SLC7A14: variants seen among roughly 807,000 people sequenced by gnomAD.
SLC7A14 encodes gamma-aminobutyric acid transporter SLC7A14.
SLC7A14 carries 37 observed loss-of-function variants against 60.2 expected under a neutral mutation model. That is an observed-to-expected ratio of 0.61 (90% CI 0.47 to 0.81). The LOEUF is 0.81. SLC7A14 is among the 30% of genes least tolerant of loss of function. The pLI is 0.00. For synonymous variants in SLC7A14, 399 were observed against 395.8 expected (o/e 1.01, Z -0.10); for missense variants, 886 against 982.7 (o/e 0.90, Z 1.32).
At position 170,514,432 on chromosome 3, in the gene SLC7A14, AG is replaced by A. The variant is rs1386308843; in HGVS notation, c.304+12200del. ...GCATCTATTTCAGTGCACAAAGTTG[AG>A]GCTGCTTAAGTATCACTTCTTCAGA... is the stretch of plus-strand genomic sequence containing the variant. On this transcript the variant is annotated intron_variant, in intron 2 of 7. Transcript: ENST00000231706. Among the ~76,000 whole-genome samples the A allele has an allele frequency of 2.0e-5, 3 of 152,224 alleles. No homozygotes were observed. The East Asian group carries it at 5.8e-4, about 29-fold the overall frequency.
intron 1 of SLC7A14, among the ~76,000 whole-genome samples, chr3:170,567,239 A>G (rs1310775840): frequency 1.4e-5 from 2 of 145,040 alleles, no homozygotes; most frequent in Admixed American, 7.3e-5. Flanking sequence ...ATTCCCACCT[A>G]TGAGTGAGAA....
chr3:170,476,595 A>G (rs961699325), intron 7 of SLC7A14, among the ~76,000 whole-genome samples: 8 of 152,204 alleles, frequency 5.3e-5, no homozygotes, highest in African/African-American at 1.9e-4. Flanking sequence ...GCAGGTTCAC[A>G]TCGTGCTTTG....
At chr3:170,467,504 A>T in intron 7 of SLC7A14, 127 bp from the exon 8 acceptor site, 1 of 677,408 alleles carries the variant, frequency 1.5e-6, no homozygotes, top group Non-Finnish European at 2.3e-6. Context: ...GCGGGGATGT[A>T]TTTTCTTTGC....
chr3:170,509,612 C>A (rs1201387997), intron 2 of SLC7A14, among the ~76,000 whole-genome samples: 1 of 151,424 alleles, frequency 6.6e-6, no homozygotes, highest in African/African-American at 2.4e-5. Context: ...GAGTTCGAGA[C>A]CAGCCTGACC....
chr3:170,544,345 C>A (rs1381190921), intron 1 of SLC7A14, among the ~76,000 whole-genome samples: 1 of 152,100 alleles, frequency 6.6e-6, no homozygotes, highest in Non-Finnish European at 1.5e-5. Flanking sequence ...GACACACACA[C>A]ACAGACACAC....
intron 4 of SLC7A14, among the ~76,000 whole-genome samples, chr3:170,493,217 A>T (rs1400647203): frequency 5.3e-5 from 8 of 152,250 alleles, no homozygotes; most frequent in African/African-American, 1.7e-4. Context: ...GAGTTACTTG[A>T]TATAGGGAAA....
chr3:170,533,679 G>GGT (rs397696195), intron 1 of SLC7A14, among the ~76,000 whole-genome samples: 26 of 143,730 alleles, frequency 1.8e-4, no homozygotes, highest in Non-Finnish European at 3.5e-4. Context: ...GTGTGTGTGT[G>GGT]GTGTGTGTGT....
intron 1 of SLC7A14, among the ~76,000 whole-genome samples, chr3:170,574,088 A>G (rs1715023281): frequency 6.6e-6 from 1 of 152,184 alleles, no homozygotes; most frequent in Non-Finnish European, 1.5e-5. Flanking sequence ...CTGTGAGACA[A>G]TTGTGACCCT....
chr3:170,476,514 T>C (rs1711621463), intron 7 of SLC7A14, among the ~76,000 whole-genome samples: 1 of 152,160 alleles, frequency 6.6e-6, no homozygotes, highest in Non-Finnish European at 1.5e-5. Flanking sequence ...GTTTGTGCTA[T>C]CAGCAAGATT....
intron 1 of SLC7A14, among the ~76,000 whole-genome samples, chr3:170,569,925 C>T (rs879333606): frequency 2.2e-4 from 33 of 152,098 alleles, no homozygotes; most frequent in African/African-American, 5.3e-4. Context: ...GTCTTGCTAG[C>T]GGTCTATCAA....
intron 1 of SLC7A14, among the ~76,000 whole-genome samples, chr3:170,584,247 C>T (rs1216227217): frequency 6.6e-6 from 1 of 152,128 alleles, no homozygotes; most frequent in African/African-American, 2.4e-5. Flanking sequence ...GCTTAGCGAT[C>T]TTTATCTAGA....
At chr3:170,541,976 T>C (rs1714031289) in intron 1 of SLC7A14, among the ~76,000 whole-genome samples, 1 of 152,254 alleles carries the variant, frequency 6.6e-6, no homozygotes, top group African/African-American at 2.4e-5. Flanking sequence ...TTTGTAGTTA[T>C]GCTTCTACGC....
In SLC7A14 at chr3:170,519,328, T is replaced by A. The variant is rs553242464; in HGVS notation, c.304+7305A>T. On this transcript the variant is annotated intron_variant, in intron 2 of 7. Transcript: ENST00000231706. ...CAGTGACAGCCAGCTTTTCCTTTCC[T>A]TCCTATCAACAGAATTCTGTAATTC... Among the ~76,000 whole-genome samples, 6 of 152,352 alleles carry A rather than the reference T, an allele frequency of 3.9e-5. 1 individual carries two copies. The South Asian group carries it at 1.2e-3, about 32-fold the overall frequency.
chr3:170,509,538 G>A (rs538533971), intron 2 of SLC7A14, among the ~76,000 whole-genome samples: 33 of 152,312 alleles, frequency 2.2e-4, no homozygotes, highest in African/African-American at 5.5e-4. Flanking sequence ...GGCCGGGCAC[G>A]GTGGCTCACA....
At chr3:170,554,662 C>T (rs1289343911) in intron 1 of SLC7A14, among the ~76,000 whole-genome samples, 1 of 152,224 alleles carries the variant, frequency 6.6e-6, no homozygotes, top group Non-Finnish European at 1.5e-5. Context: ...CCTCCCTATT[C>T]TCTGCCCCAC....
chr3:170,506,733 C>G (rs2108283425), intron 2 of SLC7A14, among the ~76,000 whole-genome samples: 1 of 152,332 alleles, frequency 6.6e-6, no homozygotes, highest in Middle Eastern at 3.4e-3. Context: ...TCTAATTCTG[C>G]TGAGTCACTT....
chr3:170,483,590 G>C, intron 5 of SLC7A14, 68 bp from the exon 6 acceptor site: 1 of 1,544,526 alleles, frequency 6.5e-7, no homozygotes, highest in East Asian at 2.2e-5. Flanking sequence ...GGCCCCACGG[G>C]AGAGGAAAGA....
In SLC7A14 at chr3:170,466,552, T is replaced by C. The variant is rs1267621152; in HGVS notation, c.*503A>G. 6.5e-6 allele frequency: 1 copy of C among 152,690 alleles called. No individual in the cohort carries two copies. The highest frequency in any genetic ancestry group is 2.4e-5 in the African/African-American group (1 of 41,450). 9.5% of individuals were successfully genotyped at this position (152,690 alleles called of 1,614,324 possible). ...GTGAATAAAAAGAAGCATGTGTCTT[T>C]TCCATGAATTAATTTTGGGTGAGAT... On this transcript the variant is annotated 3_prime_UTR_variant, in exon 8 of 8. Transcript: ENST00000231706.
chr3:170,489,184 G>C (rs1216207326), intron 4 of SLC7A14, among the ~76,000 whole-genome samples: 3 of 152,146 alleles, frequency 2.0e-5, no homozygotes, highest in African/African-American at 7.2e-5. Context: ...CCACAGAATA[G>C]GAGAAAATAT....
Sources: gnomAD v4.1 joint callset for allele counts (sites outside exome capture counted in the v4.1 genomes callset) on GRCh38, gnomAD v4.1.1 for gene constraint, MANE v1.5 for transcripts, NCBI Gene and HGNC (gene_info 2026-07-23, HGNC 2026-07-21) for gene names.